The following HSPBP1 variants were observed in gnomAD, a reference collection of about 807,000 sequenced individuals.
The protein encoded by HSPBP1 is HSPA (Hsp70) binding protein 1.
HSPBP1 carries 31 observed loss-of-function variants against 41.7 expected under a neutral mutation model. The ratio of observed to expected loss-of-function variants is 0.74; its 90% CI spans 0.56 to 1.00. The LOEUF is 1.00. Among genes scored for constraint, HSPBP1 ranks in the 50% least tolerant of loss-of-function variants. HSPBP1 has a pLI of 0.00. For missense variants in HSPBP1, 439 were observed against 487.9 expected (o/e 0.90, Z 0.94); for synonymous variants, 199 against 214.4 (o/e 0.93, Z 0.63).
chr19:55,279,707 T>C lies in HSPBP1; in HGVS notation c.-94-5A>G. On this transcript the variant is annotated splice_region_variant and splice_polypyrimidine_tract_variant and intron_variant, in intron 1 of 7. Coordinates refer to ENST00000433386, the MANE Select transcript of HSPBP1 (RefSeq NM_012267.5). ...GATGGGTCGATTCTTGAGGGTCTGC[T>C]GAGAAGGCGGCGTTTCAGGGGAGCT... 2 of 1,537,574 alleles carry C rather than the reference T, an allele frequency of 1.3e-6. No individual in the cohort carries two copies. The highest frequency in any genetic ancestry group is 1.2e-5 in the South Asian group (1 of 83,268).
rs1222737192 is a variant in HSPBP1 at position 55,268,259 on chromosome 19, C to G, written c.641-1973G>C. On this transcript the variant is annotated intron_variant, in intron 4 of 7. Coordinates refer to ENST00000433386, the MANE Select transcript of HSPBP1 (RefSeq NM_012267.5). This position sits in a 1 kb window ranked among gnomAD's most constrained non-coding sequence, Gnocchi z 4.5. ...CAGCCTGACCAACATGGTGAAACCC[C>G]GTCTCTACTAAAAATACAAAATTAG... 1.3e-5 allele frequency among the ~76,000 whole-genome samples: 2 copies of G among 151,828 alleles called. No homozygotes were observed. The highest frequency in any genetic ancestry group is 2.9e-5 in the Non-Finnish European group (2 of 67,976).
Position 55,265,993 on chromosome 19 carries a change from G to T in HSPBP1, c.797-11C>A. On this transcript the variant is annotated splice_polypyrimidine_tract_variant and intron_variant, in intron 5 of 7. Transcript: ENST00000433386. ...TGGAGCACAGGGTCCCTGGGGGGAG[G>T]GCTGCAGGGGTCAGAGGGGCAGCCC... The T allele has an allele frequency of 6.3e-7, 1 of 1,592,498 alleles. No individual in the cohort carries two copies.
At position 55,277,573 on chromosome 19, in the gene HSPBP1, G is replaced by C. The variant is rs531334079; in HGVS notation, c.415+69C>G. On this transcript the variant is annotated intron_variant, in intron 3 of 7. Coordinates refer to ENST00000433386, the MANE Select transcript of HSPBP1 (RefSeq NM_012267.5). ...CTGACGGTGTGAGCCCCAAGAGTAG[G>C]GGCAAGAGCTGAGAGGCAGCAGGAC... The C allele has an allele frequency of 4.7e-5, 69 of 1,480,420 alleles. 1 individual carries two copies. The South Asian group carries it at 8.1e-4, about 17-fold the overall frequency. The allele number at this position is 1,480,420 out of a possible 1,614,324, so 91.7% of individuals were successfully genotyped here. A position where few individuals can be genotyped will look rare whatever the true frequency, so the allele number is the denominator to read the frequency against.
chr19:55,262,833 A>T (rs1489288379), intron 7 of HSPBP1, 151 bp from the exon 8 acceptor site: 21 of 672,862 alleles, frequency 3.1e-5, no homozygotes, highest in Non-Finnish European at 4.8e-5. Context: ...ATCACTGCTC[A>T]GATCCATGAT....
chr19:55,274,426 C>T lies in HSPBP1; in HGVS notation c.612G>A (p.Val204=). ...RLLDRDACDT[V]RVKALFAISC... is the part of the protein sequence containing the mutation. Reference sequence around the variant, plus strand: ...AGATGGCGAAGAGGGCCTTGACGCGCACCGTGTCGCAGGCGTCGCGGTCCA... The same window carrying T: ...AGATGGCGAAGAGGGCCTTGACGCGTACCGTGTCGCAGGCGTCGCGGTCCA... Residue 204 remains valine (V), a synonymous_variant, in exon 4 of 8, where the codon GTG becomes GTA. Coordinates refer to ENST00000433386, the MANE Select transcript of HSPBP1 (RefSeq NM_012267.5). 1 of 1,578,832 alleles carries T rather than the reference C, an allele frequency of 6.3e-7. No individual in the cohort carries two copies. The highest frequency in any genetic ancestry group is 8.6e-7 in the Non-Finnish European group (1 of 1,169,150).
chr19:55,279,528 G>GCCGCCC lies in HSPBP1; in HGVS notation c.75_80dup (p.Gly29_Gly30dup), dbSNP rs1365836675. 1.9e-6 allele frequency: 3 copies of GCCGCCC among 1,609,738 alleles called. No homozygotes were observed. The African/African-American group carries it at 4.0e-5, about 22-fold the overall frequency. The stretch of plus-strand genomic sequence containing the variant: ...AGCCCCCAGCCGAGGAGCCGCCGCC[G>GCCGCCC]CCGCCCCCTGAAGAGCAACCCTGGG... On this transcript the variant is annotated inframe_insertion, in exon 2 of 8. Transcript: ENST00000433386.
intron 7 of HSPBP1, 115 bp from the exon 8 acceptor site, chr19:55,262,797 C>G: frequency 1.1e-6 from 1 of 883,480 alleles, no homozygotes. Flanking sequence ...CACCCACTCC[C>G]CCCCACCAGA....
chr19:55,274,437 A>T lies in HSPBP1; in HGVS notation c.601T>A (p.Cys201Ser). 6.6e-7 allele frequency: 1 copy of T among 1,516,466 alleles called. No homozygotes were observed. Among genetic ancestry groups the T allele is most frequent in the Non-Finnish European group, 8.9e-7 (1 of 1,129,054 alleles). 93.9% of individuals were successfully genotyped at this position (1,516,466 alleles called of 1,614,324 possible). A position where few individuals can be genotyped will look rare whatever the true frequency, so the allele number is the denominator to read the frequency against. Residue 201 changes from cysteine (C) to serine (S), a missense_variant, in exon 4 of 8, where the codon TGC becomes AGC. Transcript: ENST00000433386. ...KLLRLLDRDACDTVRVKALFA... is the reference protein window; with the variant it reads ...KLLRLLDRDASDTVRVKALFA... Reference sequence around the variant, plus strand: ...AGGGCCTTGACGCGCACCGTGTCGCAGGCGTCGCGGTCCAGCAGCCGCAGC... The same window carrying T: ...AGGGCCTTGACGCGCACCGTGTCGCTGGCGTCGCGGTCCAGCAGCCGCAGC...
At chr19:55,280,267 C>A (rs1167997807), upstream of HSPBP1, 1 of 155,322 alleles carries the variant, frequency 6.4e-6, no homozygotes, top group Non-Finnish European at 1.4e-5. Flanking sequence ...GGCCCCGCCT[C>A]CAAGCTGGGA....
Position 55,277,625 on chromosome 19 carries a change from C to A in HSPBP1, c.415+17G>T. 6.3e-7 allele frequency: 1 copy of A among 1,596,896 alleles called. No individual in the cohort carries two copies. Among genetic ancestry groups the A allele is most frequent in the Non-Finnish European group, 8.5e-7 (1 of 1,173,036 alleles). ...TGTACAGAGGGGCAGAACGTCCTGG[C>A]GGGGGAAGCGGGGTACCTGCGGCAT... On this transcript the variant is annotated intron_variant, in intron 3 of 7. Coordinates refer to ENST00000433386, the MANE Select transcript of HSPBP1 (RefSeq NM_012267.5).
intron 7 of HSPBP1, among the ~76,000 whole-genome samples, chr19:55,263,355 G>A (rs575855905): frequency 6.6e-6 from 1 of 152,338 alleles, no homozygotes; most frequent in South Asian, 2.1e-4. Flanking sequence ...AAGATTTGGG[G>A]AGTTGGGCAC....
intron 7 of HSPBP1, among the ~76,000 whole-genome samples, chr19:55,263,201 G>A (rs2087691089): frequency 6.6e-6 from 1 of 152,182 alleles, no homozygotes; most frequent in Non-Finnish European, 1.5e-5. Flanking sequence ...AGTGGGCAAA[G>A]GATGAGAACG....
At chr19:55,274,180 C>T (rs575987963) in intron 4 of HSPBP1, among the ~76,000 whole-genome samples, 2 of 152,182 alleles carry the variant, frequency 1.3e-5, no homozygotes, top group Non-Finnish European at 2.9e-5. Context: ...GGTGGTCTCC[C>T]CGGGAAGTGG....
chr19:55,268,254 A>C lies in HSPBP1; in HGVS notation c.641-1968T>G, dbSNP rs1600138153. On this transcript the variant is annotated intron_variant, in intron 4 of 7. Coordinates refer to ENST00000433386, the MANE Select transcript of HSPBP1 (RefSeq NM_012267.5). The surrounding 1 kb of genome is among the most constrained non-coding windows in gnomAD (Gnocchi z 4.5). ...GAGACCAGCCTGACCAACATGGTGAAACCCCGTCTCTACTAAAAATACAAA... is the reference window on the plus strand; with the variant it reads ...GAGACCAGCCTGACCAACATGGTGACACCCCGTCTCTACTAAAAATACAAA... Among the ~76,000 whole-genome samples the C allele has an allele frequency of 1.3e-5, 2 of 152,174 alleles. No homozygotes were observed. The highest frequency in any genetic ancestry group is 1.3e-4 in the Admixed American group (2 of 15,270).
At chr19:55,275,054 C>T (rs1016151301) in intron 3 of HSPBP1, among the ~76,000 whole-genome samples, 3 of 152,160 alleles carry the variant, frequency 2.0e-5, no homozygotes, top group African/African-American at 4.8e-5. Context: ...CTGCTGAGGC[C>T]GGGAGAGCCA....
Position 55,272,413 on chromosome 19 carries a change from G to A in HSPBP1, c.640+1985C>T, listed in dbSNP as rs2087947545. On this transcript the variant is annotated intron_variant, in intron 4 of 7. Coordinates refer to ENST00000433386, the MANE Select transcript of HSPBP1 (RefSeq NM_012267.5). This position sits in a 1 kb window ranked among gnomAD's most constrained non-coding sequence, Gnocchi z 4.2. ...GGCCTCACGGTGTGGGATTCCGTTTGTACAAATGTCCCGGAGAGGGAAATC... is the reference window on the plus strand; with the variant it reads ...GGCCTCACGGTGTGGGATTCCGTTTATACAAATGTCCCGGAGAGGGAAATC... Among the ~76,000 whole-genome samples the A allele has an allele frequency of 6.6e-6, 1 of 152,190 alleles. No homozygotes were observed. Among genetic ancestry groups the A allele is most frequent in the Non-Finnish European group, 1.5e-5 (1 of 68,040 alleles).
chr19:55,272,058 T>A lies in HSPBP1; in HGVS notation c.640+2340A>T, dbSNP rs2087936605. Among the ~76,000 whole-genome samples the A allele has an allele frequency of 6.7e-6, 1 of 149,402 alleles. No individual in the cohort carries two copies. The highest frequency in any genetic ancestry group is 1.5e-5 in the Non-Finnish European group (1 of 67,568). On this transcript the variant is annotated intron_variant, in intron 4 of 7. Coordinates refer to ENST00000433386, the MANE Select transcript of HSPBP1 (RefSeq NM_012267.5). This position sits in a 1 kb window ranked among gnomAD's most constrained non-coding sequence, Gnocchi z 4.2. The stretch of plus-strand genomic sequence containing the variant: ...GCCTGGGCCACAGAGCGAGACTCCG[T>A]CTCAAGAAACAAAAAAAGAAAAAAA...
At position 55,274,562 on chromosome 19, in the gene HSPBP1, G is replaced by A. The variant is rs764503929; in HGVS notation, c.476C>T (p.Ala159Val). 6 of 1,608,634 alleles carry A rather than the reference G, an allele frequency of 3.7e-6. No homozygotes were observed. Among genetic ancestry groups the A allele is most frequent in the South Asian group, 2.2e-5 (2 of 90,952 alleles). The change falls in exon 4 of 8, where the codon GCG (alanine) becomes GTG (valine). Residue 159 changes from alanine (A) to valine (V), a missense_variant. By Grantham distance (64) the Ala-to-Val change is moderately conservative. Coordinates refer to ENST00000433386, the MANE Select transcript of HSPBP1 (RefSeq NM_012267.5). ...LVGRYLEAGA[A>V]GLRWRAAQLI... The stretch of plus-strand genomic sequence containing the variant: ...CTGTGCCGCCCGCCACCGCAGTCCC[G>A]CAGCCCCCGCCTCCAGGTACCGGCC...
rs1300310999 is a variant in HSPBP1 at position 55,277,646 on chromosome 19, G to A, written c.411C>T (p.Ala137=). Residue 137 remains alanine (A), a synonymous_variant, in exon 3 of 8, where the codon GCC becomes GCT. Coordinates refer to ENST00000433386, the MANE Select transcript of HSPBP1 (RefSeq NM_012267.5). ...LADLCENMDN[A]ADFCQLSGMH... is the part of the protein sequence containing the mutation. ...CTGGCGGGGGAAGCGGGGTACCTGC[G>A]GCATTGTCCATGTTCTCACACAGGT... is the stretch of plus-strand genomic sequence containing the variant. 6.9e-6 allele frequency: 11 copies of A among 1,604,548 alleles called. No homozygotes were observed. The highest frequency in any genetic ancestry group is 4.5e-5 in the East Asian group (2 of 44,510).
Sources: allele counts gnomAD v4.1 joint callset (sites outside exome capture counted in the v4.1 genomes callset), GRCh38; gene constraint gnomAD v4.1.1; non-coding constraint Gnocchi (gnomAD v3.1); transcripts MANE v1.5; gene names NCBI Gene and HGNC (gene_info 2026-07-23, HGNC 2026-07-21).